Variants in DDHD2 observed in about 807,000 individuals in gnomAD.
The protein encoded by DDHD2 is DDHD domain containing 2.
A neutral mutation model predicts 91.2 loss-of-function variants in DDHD2; 62 were observed. That is an observed-to-expected ratio of 0.68 (90% CI 0.55 to 0.84). The LOEUF is 0.84. Ranked by LOEUF, DDHD2 falls within the 40% of genes least tolerant of loss-of-function variation. DDHD2 has a pLI of 0.00. For synonymous variants in DDHD2, 271 were observed against 293.9 expected, an observed-to-expected ratio of 0.92 and a Z score of 0.80; for missense variants, 740 against 846.9, an observed-to-expected ratio of 0.87 and a Z score of 1.57.
chr8:38,269,437 C>G (rs948259181), intron 1 of DDHD2, among the ~76,000 whole-genome samples: 1 of 152,224 alleles, frequency 6.6e-6, no homozygotes, highest in Non-Finnish European at 1.5e-5. Flanking sequence ...AGTAGGTCGG[C>G]GTACGGTCCA....
At chr8:38,267,202 G>A, downstream of DDHD2, 1 of 1,613,210 alleles carries the variant, frequency 6.2e-7, no homozygotes. Flanking sequence ...ATCCCTACTA[G>A]CTTTCTAGGT....
chr8:38,245,675 C>T, intron 7 of DDHD2, 67 bp from the exon 8 acceptor site: 1 of 1,395,530 alleles, frequency 7.2e-7, no homozygotes, highest in Admixed American at 1.8e-5. Flanking sequence ...AGCTTGAAGG[C>T]TTAAAATTGG....
Position 38,240,318 on chromosome 8 carries a change from GA to G in DDHD2, c.667del (p.Ile223LeufsTer24). The G allele has an allele frequency of 6.2e-7, 1 of 1,610,628 alleles. No individual in the cohort carries two copies. Among genetic ancestry groups the G allele is most frequent in the South Asian group, 1.1e-5 (1 of 90,700 alleles). Reference protein sequence around the residue: ...IDHLVFVVHGIGPACDLRFRS... With the variant: ...IDHLVFVVHGXGPACDLRFRS... ...ATCACTTGGTTTTTGTAGTCCATGGGATTGGACCAGCTTGTGATCTCCGCTT... is the reference window on the plus strand; with the variant it reads ...ATCACTTGGTTTTTGTAGTCCATGGGTTGGACCAGCTTGTGATCTCCGCTT... On this transcript the variant is annotated frameshift_variant, in exon 6 of 18. Transcript: ENST00000397166. LOFTEE classifies it high-confidence loss of function.
At chr8:38,268,780 G>T (rs1477806156) in intron 1 of DDHD2, 44 of 1,441,220 alleles carry the variant, frequency 3.1e-5, no homozygotes, top group Non-Finnish European at 3.6e-5. Context: ...AGCGGAGTGG[G>T]CAGTGGGTCC....
chr8:38,264,441 T>C (rs1807279870), downstream of DDHD2: 1 of 1,544,992 alleles, frequency 6.5e-7, no homozygotes, highest in African/African-American at 1.4e-5. Context: ...CCAGATTCAA[T>C]TTTTAAATAT....
At chr8:38,264,803 C>T (rs539533711), downstream of DDHD2, 9 of 1,530,158 alleles carry the variant, frequency 5.9e-6, no homozygotes, top group African/African-American at 2.8e-5. Context: ...TGTCAGGTTG[C>T]TTTCTGAACA....
At chr8:38,268,720 A>G (rs1314078353) in intron 1 of DDHD2, 1 of 1,433,124 alleles carries the variant, frequency 7.0e-7, no homozygotes, top group East Asian at 2.5e-5. Context: ...TCCTCTCTCA[A>G]TCAGGATCTT....
At position 38,253,551 on chromosome 8, in the gene DDHD2, T is replaced by C; in HGVS notation, c.1892-5T>C. 1 of 1,611,174 alleles carries C rather than the reference T, an allele frequency of 6.2e-7. No individual in the cohort carries two copies. Among genetic ancestry groups the C allele is most frequent in the Non-Finnish European group, 8.5e-7 (1 of 1,179,182 alleles). On this transcript the variant is annotated splice_polypyrimidine_tract_variant and splice_region_variant and intron_variant, in intron 15 of 17. Coordinates refer to ENST00000397166, the MANE Select transcript of DDHD2 (RefSeq NM_015214.3). ...AGATTCTTATTATGGTTCTTCCATATCCAGATGTTAACACAGAAGAGACCT... is the reference window on the plus strand; with the variant it reads ...AGATTCTTATTATGGTTCTTCCATACCCAGATGTTAACACAGAAGAGACCT...
intron 10 of DDHD2, 76 bp downstream of exon 10, chr8:38,247,911 C>T: frequency 9.0e-7 from 1 of 1,109,428 alleles, no homozygotes; most frequent in Non-Finnish European, 1.3e-6. Flanking sequence ...AAGAGCCTAC[C>T]CTTTAGACAC....
At chr8:38,238,709 T>C (rs1805001713) in intron 5 of DDHD2, 1 of 959,892 alleles carries the variant, frequency 1.0e-6, no homozygotes. Context: ...AAAAGATGAG[T>C]TTAAAATTTC....
chr8:38,266,230 G>T (rs542608468), downstream of DDHD2: 2 of 1,613,850 alleles, frequency 1.2e-6, no homozygotes, highest in East Asian at 4.5e-5. Flanking sequence ...GAACCTCCAA[G>T]ATTTCCCACG....
chr8:38,245,946 T>C lies in DDHD2; in HGVS notation c.1053T>C (p.Ser351=), dbSNP rs751019593. 1.9e-6 allele frequency: 3 copies of C among 1,612,654 alleles called. No individual in the cohort carries two copies. Among genetic ancestry groups the C allele is most frequent in the Admixed American group, 3.3e-5 (2 of 60,014 alleles). Residue 351 remains serine, a synonymous_variant, in exon 8 of 18, where the codon AGT becomes AGC. Transcript: ENST00000397166. ...FKGGVSIAGH[S]LGSLILFDIL... ...GGGGTGTATCCATTGCTGGTCATAG[T>C]TTAGGTAACAAAATGAGTTCTGTGT...
At chr8:38,243,075 A>C (rs1475749323) in intron 7 of DDHD2, among the ~76,000 whole-genome samples, 1 of 152,082 alleles carries the variant, frequency 6.6e-6, no homozygotes, top group Admixed American at 6.6e-5. Flanking sequence ...AGTTCTCAGT[A>C]CCCTGTGATT....
chr8:38,267,899 C>T, intron 1 of DDHD2: 1 of 1,614,014 alleles, frequency 6.2e-7, no homozygotes, highest in South Asian at 1.1e-5. Context: ...TCACTTACCT[C>T]CCTACGATCA....
chr8:38,234,549 G>T lies in DDHD2; in HGVS notation c.376G>T (p.Val126Phe). Residue 126 changes from valine to phenylalanine, a missense_variant, in exon 3 of 18, where the codon GTT becomes TTT. Around this residue, in one of 2 missense-constraint regions of DDHD2, gnomAD observed 693 missense variants for 764.2 expected, o/e 0.91. Transcript: ENST00000397166. ...FYKGDKDNKY[V>F]PYSESFSQVL... ...CAAGGGGGACAAAGACAATAAGTAT[G>T]TTCCCTACTCGGAGAGCTTCAGCCA... is the stretch of plus-strand genomic sequence containing the variant. 1 of 1,611,632 alleles carries T rather than the reference G, an allele frequency of 6.2e-7. No individual in the cohort carries two copies. The highest frequency in any genetic ancestry group is 8.5e-7 in the Non-Finnish European group (1 of 1,179,472).
At chr8:38,272,828 A>G (rs976770498), downstream of DDHD2, 9 of 152,234 alleles carry the variant, frequency 5.9e-5, no homozygotes, top group African/African-American at 2.2e-4. Context: ...TCATTGGTGT[A>G]TCACAGGCAC....
intron 5 of DDHD2, 51 bp downstream of exon 5, chr8:38,238,260 C>T: frequency 6.2e-7 from 1 of 1,606,298 alleles, no homozygotes; most frequent in Non-Finnish European, 8.5e-7. Flanking sequence ...TTGTTTACTC[C>T]TTAAATTGTG....
downstream of DDHD2, chr8:38,266,410 A>G (rs1239644244): frequency 8.5e-7 from 1 of 1,180,138 alleles, no homozygotes; most frequent in Non-Finnish European, 1.2e-6. Flanking sequence ...GTTTTTATTT[A>G]TTTATTTTTT....
At chr8:38,257,983 A>G (rs1486154439) in intron 16 of DDHD2, among the ~76,000 whole-genome samples, 8 of 152,040 alleles carry the variant, frequency 5.3e-5, no homozygotes, top group Non-Finnish European at 1.2e-4. Context: ...TGTTATATAT[A>G]TAATTTTTTT....
Sources: gnomAD v4.1 joint callset for allele counts (sites outside exome capture counted in the v4.1 genomes callset) on GRCh38, gnomAD v4.1.1 for gene constraint, gnomAD v4.1.1 regional missense constraint, MANE v1.5 for transcripts, NCBI Gene and HGNC (gene_info 2026-07-23, HGNC 2026-07-21) for gene names.